Variants in LRRC7 observed in about 807,000 individuals in gnomAD.
LRRC7 encodes leucine rich repeat containing 7.
A neutral mutation model predicts 175.7 loss-of-function variants in LRRC7; 23 were observed. That is an observed-to-expected ratio of 0.13 (90% CI 0.09 to 0.19). The LOEUF (loss-of-function observed/expected upper bound fraction) is 0.19, where lower values mean the gene tolerates loss of function less well. Among genes scored for constraint, LRRC7 ranks in the 10% least tolerant of loss-of-function variants. LRRC7 has a pLI of 1.00. For missense variants in LRRC7, 1,354 were observed against 1,904.7 expected, an observed-to-expected ratio of 0.71 and a Z score of 5.38; for synonymous variants, 685 against 680.9, an observed-to-expected ratio of 1.01 and a Z score of -0.09.
intron 4 of LRRC7, among the ~76,000 whole-genome samples, chr1:69,799,802 G>A (rs980270323): frequency 3.9e-5 from 6 of 152,014 alleles, no homozygotes; most frequent in Non-Finnish European, 5.9e-5. Context: ...AAGGTCTTAA[G>A]TCATGAATTA....
intron 2 of LRRC7, among the ~76,000 whole-genome samples, chr1:69,710,843 G>T (rs1017991315): frequency 1.3e-5 from 2 of 151,976 alleles, no homozygotes; most frequent in African/African-American, 4.8e-5. Context: ...TATTCATATT[G>T]CATCCCAGAG....
intron 8 of LRRC7, among the ~76,000 whole-genome samples, chr1:69,948,151 A>G (rs1649541749): frequency 6.6e-6 from 1 of 151,318 alleles, no homozygotes; most frequent in Admixed American, 6.6e-5. Context: ...AAACTTATAA[A>G]TAGTTTGTTT....
rs1398750014 is a variant in LRRC7, at chr1:69,786,818, CA to C, written c.304-5222del. 2.6e-5 allele frequency among the ~76,000 whole-genome samples: 4 copies of C among 152,292 alleles called. No individual in the cohort carries two copies. The East Asian group carries it at 7.7e-4, about 29-fold the overall frequency. On this transcript the variant is annotated intron_variant, in intron 3 of 26. Coordinates refer to ENST00000651989, the MANE Select transcript of LRRC7 (RefSeq NM_001370785.2). ...GATGAGATTTGGGTGGGGATACAGC[CA>C]AACCATATCATTCTGCCCCTGTACT...
chr1:69,693,149 A>G (rs1662104037), intron 2 of LRRC7, among the ~76,000 whole-genome samples: 1 of 152,230 alleles, frequency 6.6e-6, no homozygotes, highest in African/African-American at 2.4e-5. Context: ...CTCAACCTCT[A>G]TAATTGGTTG....
intron 3 of LRRC7, among the ~76,000 whole-genome samples, chr1:69,777,600 A>G (rs944000796): frequency 6.6e-6 from 1 of 152,108 alleles, no homozygotes; most frequent in Non-Finnish European, 1.5e-5. Context: ...TCCCCCTTGA[A>G]ACCTATCTCC....
rs540570254 is a variant in LRRC7 at position 69,666,379 on chromosome 1, T to C, written c.3-12002T>C. On this transcript the variant is annotated intron_variant, in intron 1 of 26. Coordinates refer to ENST00000651989, the MANE Select transcript of LRRC7 (RefSeq NM_001370785.2). ...CTTCCTCCTCTATTTTTCAGAATAG[T>C]TTGAGTAGAATTGGTATTATTTCTT... Among the ~76,000 whole-genome samples the C allele has an allele frequency of 1.7e-3, 266 of 152,222 alleles. 1 individual carries two copies. The highest frequency in any genetic ancestry group is 6.1e-3 in the African/African-American group (254 of 41,574).
intron 1 of LRRC7, among the ~76,000 whole-genome samples, chr1:69,582,712 C>T (rs1293102376): frequency 6.6e-6 from 1 of 152,006 alleles, no homozygotes; most frequent in Non-Finnish European, 1.5e-5. Flanking sequence ...CAGTTTTTTC[C>T]TTCCTAACAT....
In LRRC7 at chr1:70,039,328, G is replaced by A. The variant is rs1659653108; in HGVS notation, c.3504G>A (p.Arg1168=). The part of the protein sequence containing the change: ...VSATEMAMFR[R]VNEPHELPPT... The stretch of plus-strand genomic sequence containing the variant: ...CCACAGAAATGGCCATGTTTAGAAG[G>A]GTCAATGAGCCTCATGAGCTGCCCC... The change falls in exon 21 of 27, where the codon AGG becomes AGA. Residue 1168 remains arginine, a synonymous_variant. Coordinates refer to ENST00000651989, the MANE Select transcript of LRRC7 (RefSeq NM_001370785.2). The A allele has an allele frequency of 6.2e-7, 1 of 1,613,874 alleles. No individual in the cohort carries two copies. Among genetic ancestry groups the A allele is most frequent in the African/African-American group, 1.3e-5 (1 of 74,908 alleles).
intron 23 of LRRC7, among the ~76,000 whole-genome samples, chr1:70,068,699 G>A (rs994932238): frequency 6.6e-6 from 1 of 151,990 alleles, no homozygotes; most frequent in Non-Finnish European, 1.5e-5. Context: ...GAAAGCGATT[G>A]TGTAGAATTG....
rs1351432732 is a variant in LRRC7, at chr1:70,143,530, G to GGAA, written c.*21647_*21649dup. 1 of 152,006 alleles carries GGAA rather than the reference G, an allele frequency of 6.6e-6. No individual in the cohort carries two copies. The highest frequency in any genetic ancestry group is 1.5e-5 in the Non-Finnish European group (1 of 67,980). 9.4% of individuals were successfully genotyped at this position (152,006 alleles called of 1,614,324 possible). On this transcript the variant is annotated 3_prime_UTR_variant, in exon 27 of 27. Transcript: ENST00000651989. ...GACACTACCCTTGTAAAGCTTTTATGGAAGAACCAACAAGCCACAGCAGTA... is the reference window on the plus strand; with the variant it reads ...GACACTACCCTTGTAAAGCTTTTATGGAAGAAGAACCAACAAGCCACAGCAGTA...
chr1:69,613,812 T>C (rs1028203908), intron 1 of LRRC7, among the ~76,000 whole-genome samples: 7 of 152,034 alleles, frequency 4.6e-5, no homozygotes, highest in Admixed American at 3.3e-4. Context: ...AACTGGCTTA[T>C]GGGAGGAAGT....
At chr1:69,851,731 G>A (rs1021143089) in intron 7 of LRRC7, among the ~76,000 whole-genome samples, 1 of 152,124 alleles carries the variant, frequency 6.6e-6, no homozygotes, top group Non-Finnish European at 1.5e-5. Flanking sequence ...GGACAAGGGT[G>A]GTGTCCTAGA....
chr1:70,032,234 C>A (rs888320408), intron 18 of LRRC7, among the ~76,000 whole-genome samples: 1 of 152,162 alleles, frequency 6.6e-6, no homozygotes, highest in Non-Finnish European at 1.5e-5. Flanking sequence ...CACAGTGTCC[C>A]TGTTAATTGC....
chr1:69,797,117 C>A (rs1421801331), intron 4 of LRRC7, among the ~76,000 whole-genome samples: 1 of 152,038 alleles, frequency 6.6e-6, no homozygotes, highest in East Asian at 1.9e-4. Context: ...TAGAGACATT[C>A]TTTTAAAAAT....
chr1:69,588,791 T>G (rs1420239533), intron 1 of LRRC7, among the ~76,000 whole-genome samples: 1 of 152,174 alleles, frequency 6.6e-6, no homozygotes, highest in Admixed American at 6.5e-5. Flanking sequence ...ATAGTCACTG[T>G]CACAAATTCT....
chr1:69,943,256 A>C (rs1379474574), intron 8 of LRRC7, among the ~76,000 whole-genome samples: 2 of 152,170 alleles, frequency 1.3e-5, no homozygotes, highest in African/African-American at 4.8e-5. Flanking sequence ...ATACAATGGA[A>C]TAGTATTCAG....
intron 2 of LRRC7, among the ~76,000 whole-genome samples, chr1:69,750,324 G>A (rs1196719279): frequency 6.7e-6 from 1 of 150,110 alleles, no homozygotes; most frequent in Non-Finnish European, 1.5e-5. Context: ...GATTTAGAAT[G>A]TTACTAACAC....
intron 15 of LRRC7, among the ~76,000 whole-genome samples, chr1:70,019,871 A>T (rs1266044351): frequency 6.6e-6 from 1 of 151,978 alleles, no homozygotes; most frequent in Non-Finnish European, 1.5e-5. Context: ...CTTTACTTAT[A>T]TTTTCATTTT....
chr1:70,099,407 G>T (rs1168647362), intron 25 of LRRC7, among the ~76,000 whole-genome samples: 1 of 140,502 alleles, frequency 7.1e-6, no homozygotes, highest in Non-Finnish European at 1.5e-5. Context: ...TTTGAAAACT[G>T]GCACAAGACA....
Sources: gnomAD v4.1 joint callset for allele counts (sites outside exome capture counted in the v4.1 genomes callset) on GRCh38, gnomAD v4.1.1 for gene constraint, MANE v1.5 for transcripts, NCBI Gene and HGNC (gene_info 2026-07-23, HGNC 2026-07-21) for gene names.